Variants in MLH3 observed in about 807,000 individuals in gnomAD.
MLH3 encodes mutL homolog 3, also known as DNA mismatch repair protein Mlh3.
Under a neutral mutation model 122.2 loss-of-function variants are expected in MLH3, and 82 were observed. That is an observed-to-expected ratio of 0.67 (90% CI 0.56 to 0.81). MLH3 has a LOEUF of 0.81. Among genes scored for constraint, MLH3 ranks in the 30% least tolerant of loss-of-function variants. MLH3 has a pLI of 0.00. For missense variants in MLH3, 1,539 were observed against 1,714.5 expected (o/e 0.90, Z 1.81); for synonymous variants, 524 against 599.5 (o/e 0.87, Z 1.84).
rs1892532093 is a variant in MLH3 at position 75,049,616 on chromosome 14, G to A, written c.40C>T (p.Arg14Cys). Residue 14 changes from arginine to cysteine, a missense_variant, in exon 2 of 13, where the codon CGT (arginine) becomes TGT (cysteine). Coordinates refer to ENST00000355774, the MANE Select transcript of MLH3 (RefSeq NM_001040108.2). ...CLSVEVQAKL[R>C]SGLAISSLGQ... ...AAGGAGCTTATGGCCAAACCAGAAC[G>A]CAATTTGGCTTGTACTTCAACTGAC... 6 of 1,614,118 alleles carry A rather than the reference G, an allele frequency of 3.7e-6. No individual in the cohort carries two copies. The highest frequency in any genetic ancestry group is 1.1e-5 in the South Asian group (1 of 91,086).
At chr14:75,034,146 T>C (rs1268854346) in intron 6 of MLH3, among the ~76,000 whole-genome samples, 1 of 150,474 alleles carries the variant, frequency 6.6e-6, no homozygotes, top group African/African-American at 2.5e-5. Context: ...TGAGCCGAGA[T>C]TGCACCACTG....
chr14:75,015,791 C>A lies in MLH3; in HGVS notation c.*1291G>T. On this transcript the variant is annotated 3_prime_UTR_variant, in exon 13 of 13. Transcript: ENST00000355774. ...CAGACGCTAATGAATGCAATACTTT[C>A]ATTGCTCCTGTAAGATTCACTTCAA... The A allele has an allele frequency of 1.3e-5, 3 of 223,970 alleles. No homozygotes were observed. The highest frequency in any genetic ancestry group is 1.8e-5 in the Non-Finnish European group (2 of 112,192). 13.9% of individuals were successfully genotyped at this position (223,970 alleles called of 1,614,324 possible). A position where few individuals can be genotyped will look rare whatever the true frequency, so the allele number is the denominator to read the frequency against.
rs1566607017 is a variant in MLH3, at chr14:75,048,106, T to C, written c.1550A>G (p.His517Arg). The change falls in exon 2 of 13, where the codon CAC (histidine) becomes CGC (arginine). Residue 517 changes from histidine to arginine, a missense_variant. Transcript: ENST00000355774. ...TAGATCCTGCCCACTCTCCTCAAAG[T>C]GACATGGTGTCTGAAAAGGGCTTAA... ...MFLSPFQTPC[H>R]FEESGQDLEI... 6.2e-7 allele frequency: 1 copy of C among 1,614,196 alleles called. No homozygotes were observed. Among genetic ancestry groups the C allele is most frequent in the Non-Finnish European group, 8.5e-7 (1 of 1,180,034 alleles).
rs28939071 is a variant in MLH3, at chr14:75,017,093, C to T, written c.4351G>A (p.Glu1451Lys). The T allele has an allele frequency of 1.3e-3, 2,033 of 1,613,628 alleles. No individual in the cohort carries two copies. Among genetic ancestry groups the T allele is most frequent in the Non-Finnish European group, 1.6e-3 (1,927 of 1,179,922 alleles). The change falls in exon 13 of 13, where the codon GAG becomes AAG. Residue 1451 changes from glutamate (E) to lysine (K), a missense_variant. Glu to Lys is a moderately conservative substitution (Grantham distance 56). Coordinates refer to ENST00000355774, the MANE Select transcript of MLH3 (RefSeq NM_001040108.2). ...CAGTGATTCTGTTCTCATGGTGGCTCACAGGGAGGCATGGATTGCTGCAGG... is the reference window on the plus strand; with the variant it reads ...CAGTGATTCTGTTCTCATGGTGGCTTACAGGGAGGCATGGATTGCTGCAGG... ...QSLQQSMPPC[E>K]PP
rs1177269364 is a variant in MLH3 at position 75,016,744 on chromosome 14, C to T, written c.*338G>A. On this transcript the variant is annotated 3_prime_UTR_variant, in exon 13 of 13. Transcript: ENST00000355774. ...AGCTTGAAAAAAAACTGTACAAAAA[C>T]AAAAATCACACCCTTCAAATAACAA... 3.1e-6 allele frequency: 1 copy of T among 317,914 alleles called. No homozygotes were observed. The highest frequency in any genetic ancestry group is 2.2e-5 in the African/African-American group (1 of 46,384). The allele number at this position is 317,914 out of a possible 1,614,324, so 19.7% of individuals were successfully genotyped here.
rs1051361984 is a variant in MLH3 at position 75,039,953 on chromosome 14, C to T, written c.3528G>A (p.Leu1176=). ...TTCCTTTGGTGAAACGATAGGGATACAAGATGTTGTGAATTTTAACTGCTA... is the reference window on the plus strand; with the variant it reads ...TTCCTTTGGTGAAACGATAGGGATATAAGATGTTGTGAATTTTAACTGCTA... The part of the protein sequence containing the change: ...ESLAVKIHNI[L]YPYRFTKGMI... Residue 1176 remains leucine (L), a synonymous_variant, in exon 5 of 13, where the codon TTG becomes TTA. Transcript: ENST00000355774. 6.3e-7 allele frequency: 1 copy of T among 1,590,096 alleles called. No homozygotes were observed.
Position 75,049,226 on chromosome 14 carries a change from T to G in MLH3, c.430A>C (p.Thr144Pro). Residue 144 changes from threonine to proline, a missense_variant, in exon 2 of 13, where the codon ACT becomes CCT. Thr to Pro is a conservative substitution (Grantham distance 38). Coordinates refer to ENST00000355774, the MANE Select transcript of MLH3 (RefSeq NM_001040108.2). The stretch of plus-strand genomic sequence containing the variant: ...AATAGGTTATACACTGTTACAGTAG[T>G]CCCAGCGCTTGCTCTAGTCACATCA... Reference protein sequence around the residue: ...EADVTRASAGTTVTVYNLFYQ... With the variant: ...EADVTRASAGPTVTVYNLFYQ... 6.2e-7 allele frequency: 1 copy of G among 1,614,208 alleles called. No homozygotes were observed. The highest frequency in any genetic ancestry group is 8.5e-7 in the Non-Finnish European group (1 of 1,180,018).
intron 7 of MLH3, among the ~76,000 whole-genome samples, chr14:75,033,109 C>T (rs145657059): frequency 3.4e-4 from 52 of 152,070 alleles, no homozygotes; most frequent in African/African-American, 1.1e-3. Flanking sequence ...CCAAGATCAC[C>T]GGGCATATGG....
rs2139595583 is a variant in MLH3 at position 75,048,760 on chromosome 14, G to A, written c.896C>T (p.Thr299Ile). Reference sequence around the variant, plus strand: ...TACATATATGCCATAGAGTTCTGGGGTAGACCGGTGCCGAAGACTTGAATT... The same window carrying A: ...TACATATATGCCATAGAGTTCTGGGATAGACCGGTGCCGAAGACTTGAATT... Reference protein sequence around the residue: ...QMNSSLRHRSTPELYGIYVIN... With the variant: ...QMNSSLRHRSIPELYGIYVIN... Residue 299 changes from threonine (T) to isoleucine (I), a missense_variant, in exon 2 of 13, where the codon ACC becomes ATC. Physicochemically the swap from Thr to Ile is moderately conservative, Grantham distance 89 (BLOSUM62 -1). Transcript: ENST00000355774. 6.2e-7 allele frequency: 1 copy of A among 1,614,134 alleles called. No individual in the cohort carries two copies.
chr14:75,050,135 C>T (rs943864771), intron 1 of MLH3, among the ~76,000 whole-genome samples: 9 of 152,152 alleles, frequency 5.9e-5, no homozygotes, highest in Admixed American at 5.9e-4. Context: ...ACACAATAAC[C>T]ATGACTTTTA....
At chr14:75,028,470 T>A (rs1890806844) in intron 9 of MLH3, among the ~76,000 whole-genome samples, 1 of 147,340 alleles carries the variant, frequency 6.8e-6, no homozygotes, top group African/African-American at 2.5e-5. Context: ...CAGGCTGGAG[T>A]GCAGTGCAGT....
chr14:75,030,461 A>C (rs112268933), intron 9 of MLH3, 82 bp downstream of exon 9: 16,144 of 1,364,560 alleles, frequency 0.012, 199 homozygotes, highest in African/African-American at 0.047. Context: ...GTTGAAGAAA[A>C]GATGAATTCA....
Position 75,017,155 on chromosome 14 carries a change from C to A in MLH3, c.4289G>T (p.Arg1430Leu), listed in dbSNP as rs760305520. ...ATCACACTCTGCTTTTCCAAAGAGA[C>A]GCCAGGCCTGGGCCATTTTGCGAAG... ...TKLRKMAQAW[R>L]LFGKAECDTR... The change falls in exon 13 of 13, where the codon CGT becomes CTT. Residue 1430 changes from arginine to leucine, a missense_variant. Transcript: ENST00000355774. The A allele has an allele frequency of 6.2e-7, 1 of 1,612,770 alleles. No homozygotes were observed. The highest frequency in any genetic ancestry group is 8.5e-7 in the Non-Finnish European group (1 of 1,179,918).
chr14:75,021,432 A>G (rs1368294423), intron 11 of MLH3, among the ~76,000 whole-genome samples: 1 of 152,238 alleles, frequency 6.6e-6, no homozygotes. Flanking sequence ...CAGAATCTAT[A>G]TAAGGAACTA....
In MLH3 at chr14:75,049,437, A is replaced by G. The variant is rs1285126988; in HGVS notation, c.219T>C (p.Tyr73=). The change falls in exon 2 of 13, where the codon TAT becomes TAC. Residue 73 remains tyrosine, a synonymous_variant. Coordinates refer to ENST00000355774, the MANE Select transcript of MLH3 (RefSeq NM_001040108.2). The part of the protein sequence containing the change: ...SDDVEKVGNR[Y]FTSKCHSVQD... ...GTACCGAGTGGCATTTACTGGTGAA[A>G]TAACGATTTCCCACTTTCTCTACAT... 1 of 1,614,132 alleles carries G rather than the reference A, an allele frequency of 6.2e-7. No individual in the cohort carries two copies. Among genetic ancestry groups the G allele is most frequent in the South Asian group, 1.1e-5 (1 of 91,084 alleles).
At chr14:75,017,510 C>T (rs1236600471) in intron 12 of MLH3, among the ~76,000 whole-genome samples, 1 of 151,714 alleles carries the variant, frequency 6.6e-6, no homozygotes, top group African/African-American at 2.4e-5. Flanking sequence ...CACTGCACTC[C>T]AGCCTGGGCG....
chr14:75,041,812 T>C, intron 3 of MLH3, 112 bp from the exon 4 acceptor site: 1 of 762,136 alleles, frequency 1.3e-6, no homozygotes, highest in East Asian at 2.6e-5. Context: ...ACGTACATTG[T>C]TTCTATGTTC....
chr14:75,041,343 A>T, intron 4 of MLH3, among the ~76,000 whole-genome samples: 1 of 152,146 alleles, frequency 6.6e-6, no homozygotes, highest in East Asian at 1.9e-4. Context: ...TGAGGTTGGG[A>T]GTTAGAGACC....
In MLH3 at chr14:75,038,438, C is replaced by A. The variant is rs369710216; in HGVS notation, c.3571-26G>T. The A allele has an allele frequency of 1.1e-3, 1,546 of 1,425,362 alleles. 2 individuals are homozygous for A. Among genetic ancestry groups the A allele is most frequent in the Non-Finnish European group, 1.4e-3 (1,430 of 1,008,692 alleles). The allele number at this position is 1,425,362 out of a possible 1,614,324, so 88.3% of individuals were successfully genotyped here. A position where few individuals can be genotyped will look rare whatever the true frequency, so the allele number is the denominator to read the frequency against. Reference sequence around the variant, plus strand: ...CTGTCAGACATTCAAATAAGTGGTACAACACTAAATAAAAATTAACAAAGG... The same window carrying A: ...CTGTCAGACATTCAAATAAGTGGTAAAACACTAAATAAAAATTAACAAAGG... On this transcript the variant is annotated intron_variant, in intron 5 of 12. Transcript: ENST00000355774.
Sources: gnomAD v4.1 joint callset for allele counts (sites outside exome capture counted in the v4.1 genomes callset) on GRCh38, gnomAD v4.1.1 for gene constraint, MANE v1.5 for transcripts, NCBI Gene and HGNC (gene_info 2026-07-23, HGNC 2026-07-21) for gene names.